Variants in S100PBP observed in about 807,000 individuals in gnomAD.
S100PBP encodes S100P-binding protein.
Under a neutral mutation model 39.9 loss-of-function variants are expected in S100PBP, and 15 were observed. That is an observed-to-expected ratio of 0.38 (90% CI 0.25 to 0.58). The LOEUF (loss-of-function observed/expected upper bound fraction) is 0.58. Among genes scored for constraint, S100PBP ranks in the 20% least tolerant of loss-of-function variants. The probability of loss-of-function intolerance (pLI) is 0.70; values close to 1 mark genes in which losing one functional copy is unlikely to be tolerated. For missense variants in S100PBP, 504 were observed against 487.3 expected (o/e 1.03, Z -0.32); for synonymous variants, 178 against 180.3 (o/e 0.99, Z 0.10).
At chr1:32,833,140 A>G (rs1335024086) in intron 5 of S100PBP, among the ~76,000 whole-genome samples, 1 of 152,168 alleles carries the variant, frequency 6.6e-6, no homozygotes, top group East Asian at 1.9e-4. Context: ...AGTCTGTTCT[A>G]TATATTTTTG....
intron 4 of S100PBP, among the ~76,000 whole-genome samples, chr1:32,829,686 T>C (rs1299963213): frequency 6.6e-6 from 1 of 152,196 alleles, no homozygotes; most frequent in Non-Finnish European, 1.5e-5. Flanking sequence ...CTCAAATTCC[T>C]AGCCTCAAGC....
chr1:32,837,587 A>AATAAGC (rs1035578027), intron 5 of S100PBP, among the ~76,000 whole-genome samples: 2 of 150,786 alleles, frequency 1.3e-5, no homozygotes, highest in African/African-American at 4.9e-5. Flanking sequence ...AAAAAAAGAT[A>AATAAGC]ATAAGCATAT....
rs1471923381 is a variant in S100PBP at position 32,826,456 on chromosome 1, A to G, written c.357A>G (p.Leu119=). The G allele has an allele frequency of 6.2e-7, 1 of 1,614,140 alleles. No individual in the cohort carries two copies. Among genetic ancestry groups the G allele is most frequent in the Non-Finnish European group, 8.5e-7 (1 of 1,180,018 alleles). Residue 119 remains leucine (L), a synonymous_variant, in exon 3 of 7, where the codon CTA becomes CTG. Coordinates refer to ENST00000373475, the MANE Select transcript of S100PBP (RefSeq NM_022753.4). ...ETPDLFKLPQ[L]STSSGHGPAH... ...CTGACCTCTTCAAACTACCTCAGCT[A>G]AGTACATCAAGTGGTCATGGACCAG...
Position 32,844,764 on chromosome 1 carries a change from T to C in S100PBP, c.1025-8315T>C, listed in dbSNP as rs193239719. Among the ~76,000 whole-genome samples, 1,004 of 152,084 alleles carry C rather than the reference T, an allele frequency of 6.6e-3. 8 individuals carry two copies. Among genetic ancestry groups the C allele is most frequent in the Non-Finnish European group, 0.011 (716 of 68,000 alleles). ...TCCGAGATAGAGATATATATAGATA[T>C]CTATAGATAGAGATATATATCTCTG... On this transcript the variant is annotated intron_variant, in intron 5 of 6. Transcript: ENST00000373475.
At chr1:32,838,758 G>A (rs1639959255) in intron 5 of S100PBP, among the ~76,000 whole-genome samples, 1 of 151,784 alleles carries the variant, frequency 6.6e-6, no homozygotes, top group Non-Finnish European at 1.5e-5. Flanking sequence ...CAGGAGAATC[G>A]CTGGAACCCA....
At chr1:32,853,728 G>A (rs993394080) in intron 6 of S100PBP, among the ~76,000 whole-genome samples, 2 of 151,888 alleles carry the variant, frequency 1.3e-5, no homozygotes, top group Non-Finnish European at 2.9e-5. Flanking sequence ...AGACCCCGTC[G>A]CTACAAAAAA....
intron 6 of S100PBP, among the ~76,000 whole-genome samples, chr1:32,854,223 G>A: frequency 6.6e-6 from 1 of 152,022 alleles, no homozygotes; most frequent in South Asian, 2.1e-4. Flanking sequence ...TTAGTTCCAG[G>A]ACCCTCTCTG....
At chr1:32,827,534 A>G (rs1639385072) in intron 3 of S100PBP, among the ~76,000 whole-genome samples, 1 of 151,996 alleles carries the variant, frequency 6.6e-6, no homozygotes. Flanking sequence ...CTCAGGCTGC[A>G]GTGCAGTGGC....
intron 5 of S100PBP, among the ~76,000 whole-genome samples, chr1:32,845,881 G>A (rs997615282): frequency 2.0e-5 from 3 of 151,692 alleles, no homozygotes. Flanking sequence ...GTTTTGCCAT[G>A]TTGCCCACGC....
intron 1 of S100PBP, among the ~76,000 whole-genome samples, chr1:32,821,094 T>C (rs896758950): frequency 5.9e-5 from 9 of 152,168 alleles, no homozygotes; most frequent in Non-Finnish European, 1.0e-4. Flanking sequence ...TATTTTTTTT[T>C]CCTTATTTAT....
chr1:32,852,400 A>AT (rs1001757087), intron 5 of S100PBP, among the ~76,000 whole-genome samples: 7 of 151,900 alleles, frequency 4.6e-5, no homozygotes, highest in African/African-American at 1.7e-4. Flanking sequence ...TCCATGTAAG[A>AT]TTTTTTTTAG....
In S100PBP at chr1:32,836,470, A is replaced by G. The variant is rs555350060; in HGVS notation, c.1024+6403A>G. On this transcript the variant is annotated intron_variant, in intron 5 of 6. Coordinates refer to ENST00000373475, the MANE Select transcript of S100PBP (RefSeq NM_022753.4). ...TTGTTTGTTTTTTTTTATAGTAGCTATCCTAAAGGGTGTTAAATCAGTATT... is the reference window on the plus strand; with the variant it reads ...TTGTTTGTTTTTTTTTATAGTAGCTGTCCTAAAGGGTGTTAAATCAGTATT... The G allele has an allele frequency of 3.5e-6, 3 of 854,490 alleles. No homozygotes were observed. In the African/African-American group the frequency reaches 5.5e-5, roughly 16 times the overall value. The allele number at this position is 854,490 out of a possible 1,614,324, so 52.9% of individuals were successfully genotyped here. A position where few individuals can be genotyped will look rare whatever the true frequency, so the allele number is the denominator to read the frequency against.
At chr1:32,841,190 T>C (rs1407653258) in intron 5 of S100PBP, among the ~76,000 whole-genome samples, 2 of 151,650 alleles carry the variant, frequency 1.3e-5, no homozygotes, top group Admixed American at 1.3e-4. Flanking sequence ...AAAATTGGAT[T>C]ATTTTCTTAT....
intron 5 of S100PBP, chr1:32,846,819 T>C (rs933568205): frequency 6.6e-6 from 1 of 151,834 alleles, no homozygotes; most frequent in Admixed American, 6.6e-5. Flanking sequence ...TTCACTCTTG[T>C]CGCCCAGGCT....
chr1:32,817,054 C>G, upstream of S100PBP: 1 of 1,162,566 alleles, frequency 8.6e-7, no homozygotes, highest in South Asian at 1.2e-5. Flanking sequence ...GCAGTGAGAT[C>G]TACAGGCTCT....
chr1:32,834,020 T>C (rs779441922), intron 5 of S100PBP: 3 of 328,316 alleles, frequency 9.1e-6, no homozygotes, highest in Non-Finnish European at 1.9e-5. Flanking sequence ...TATGTACAAT[T>C]CTTATTTCTA....
At chr1:32,829,377 A>G (rs748745965) in intron 4 of S100PBP, among the ~76,000 whole-genome samples, 4 of 152,168 alleles carry the variant, frequency 2.6e-5, no homozygotes, top group Non-Finnish European at 4.4e-5. Context: ...CTCAATAAAT[A>G]CTTTCTCTAG....
At position 32,826,081 on chromosome 1, in the gene S100PBP, G is replaced by C; in HGVS notation, c.-2-17G>C. ...TTATTTTCTCTTCCTCAGTGAAATT[G>C]TCTCTTATTTCTCCAGAAATGATGT... On this transcript the variant is annotated splice_polypyrimidine_tract_variant and intron_variant, in intron 2 of 6. Transcript: ENST00000373475. The C allele has an allele frequency of 6.4e-7, 1 of 1,551,820 alleles. No homozygotes were observed. The highest frequency in any genetic ancestry group is 8.8e-7 in the Non-Finnish European group (1 of 1,142,352).
intron 1 of S100PBP, among the ~76,000 whole-genome samples, chr1:32,819,692 ATAAG>A (rs780005123): frequency 7.9e-5 from 12 of 152,236 alleles, no homozygotes; most frequent in Non-Finnish European, 1.2e-4. Context: ...CAGAGAAGTA[ATAAG>A]TAAGGCTGTC....
Sources: allele counts gnomAD v4.1 joint callset (sites outside exome capture counted in the v4.1 genomes callset), GRCh38; gene constraint gnomAD v4.1.1; transcripts MANE v1.5; gene names NCBI Gene and HGNC (gene_info 2026-07-23, HGNC 2026-07-21).